Variants in PCDHA5 observed in about 807,000 individuals in gnomAD.
The protein encoded by PCDHA5 is protocadherin alpha-5.
Under a neutral mutation model 61.6 loss-of-function variants are expected in PCDHA5, and 43 were observed. That is an observed-to-expected ratio of 0.70 (90% CI 0.55 to 0.90). PCDHA5 has a LOEUF of 0.90. Ranked by LOEUF, PCDHA5 falls within the 40% of genes least tolerant of loss-of-function variation. The pLI is 0.00. For missense variants in PCDHA5, 1,298 were observed against 1,222.7 expected, an observed-to-expected ratio of 1.06 and a Z score of -0.92; for synonymous variants, 627 against 543.9, an observed-to-expected ratio of 1.15 and a Z score of -2.13.
At chr5:140,830,231 A>G (rs1770914153) in intron 1 of PCDHA5, 1 of 1,613,696 alleles carries the variant, frequency 6.2e-7, no homozygotes, top group Admixed American at 1.7e-5. Context: ...GCTGGTCCTC[A>G]CGCTACTGCT....
chr5:140,842,938 C>T (rs2150348159), intron 1 of PCDHA5: 14 of 1,594,434 alleles, frequency 8.8e-6, no homozygotes, highest in South Asian at 5.5e-5. Context: ...GCGCGCGCGA[C>T]GCGGGCGTGC....
chr5:140,985,416 G>A (rs1554247041), intron 3 of PCDHA5, among the ~76,000 whole-genome samples: 1 of 152,142 alleles, frequency 6.6e-6, no homozygotes, highest in Non-Finnish European at 1.5e-5. Flanking sequence ...GAAATGGAGT[G>A]AGGAGGATTT....
intron 1 of PCDHA5, among the ~76,000 whole-genome samples, chr5:140,974,165 G>T (rs1298109600): frequency 6.6e-6 from 1 of 152,164 alleles, no homozygotes; most frequent in Non-Finnish European, 1.5e-5. Flanking sequence ...TTTCTTTCAA[G>T]AATTTTAACT....
intron 1 of PCDHA5, chr5:140,928,827 A>G (rs1554206364): frequency 6.2e-7 from 1 of 1,614,130 alleles, no homozygotes. Flanking sequence ...GAGACCCACC[A>G]CTTTCCTCCT....
chr5:140,963,021 G>A (rs2095729854), intron 1 of PCDHA5, among the ~76,000 whole-genome samples: 1 of 152,150 alleles, frequency 6.6e-6, no homozygotes, highest in Non-Finnish European at 1.5e-5. Flanking sequence ...AGAAAATGAA[G>A]CAATTAACAT....
intron 1 of PCDHA5, chr5:140,824,528 C>T (rs2150134685): frequency 9.5e-5 from 19 of 200,362 alleles, no homozygotes; most frequent in Middle Eastern, 2.0e-3. Context: ...CATAGCTCAC[C>T]GAAGCCTGAA....
intron 1 of PCDHA5, chr5:140,871,159 GC>G (rs1562658226): frequency 6.2e-7 from 1 of 1,613,450 alleles, no homozygotes; most frequent in Non-Finnish European, 8.5e-7. Flanking sequence ...GGCGGGCGCC[GC>G]GAGCCCAGAG....
chr5:140,861,023 C>T (rs1192782331), intron 1 of PCDHA5: 1 of 152,246 alleles, frequency 6.6e-6, no homozygotes, highest in Non-Finnish European at 1.5e-5. Context: ...GCCACCGCAC[C>T]CGGCCGAAAG....
At chr5:141,009,295 A>T (rs782350734) in intron 3 of PCDHA5, among the ~76,000 whole-genome samples, 13 of 152,030 alleles carry the variant, frequency 8.6e-5, no homozygotes, top group Admixed American at 3.9e-4. Context: ...TTTCTATAAA[A>T]TTTTTTTTAA....
In PCDHA5 at chr5:140,856,541, G is replaced by A. The variant is rs1554148841; in HGVS notation, c.2352+32414G>A. The A allele has an allele frequency of 2.5e-6, 4 of 1,598,164 alleles. 1 individual carries two copies. The highest frequency in any genetic ancestry group is 3.4e-6 in the Non-Finnish European group (4 of 1,167,670). On this transcript the variant is annotated intron_variant, in intron 1 of 3. Transcript: ENST00000529859. ...ATCTGATGCGGATGTTGGAGAGAACGCATTGCTTACTTACAAACTCAGTCC... is the reference window on the plus strand; with the variant it reads ...ATCTGATGCGGATGTTGGAGAGAACACATTGCTTACTTACAAACTCAGTCC...
At chr5:140,832,848 G>C (rs2150204756) in intron 1 of PCDHA5, among the ~76,000 whole-genome samples, 1 of 152,162 alleles carries the variant, frequency 6.6e-6, no homozygotes, top group East Asian at 1.9e-4. Context: ...GAAGGAGACC[G>C]TGAAGAGTCA....
intron 1 of PCDHA5, chr5:140,834,945 C>T (rs2150229215): frequency 6.4e-7 from 1 of 1,552,558 alleles, no homozygotes; most frequent in East Asian, 2.3e-5. Flanking sequence ...CAGCAACCAG[C>T]AGGTAAAACC....
Position 141,004,377 on chromosome 5 carries a change from C to T in PCDHA5, c.2501-5250C>T, listed in dbSNP as rs567018582. Among the ~76,000 whole-genome samples the T allele has an allele frequency of 3.9e-5, 6 of 152,294 alleles. No homozygotes were observed. The South Asian group carries it at 6.2e-4, about 16-fold the overall frequency. ...AGAGACCACACCTTGTTCTGCTCTG[C>T]GGAAGCTGGACATGTGGAGGAGGCA... On this transcript the variant is annotated intron_variant, in intron 3 of 3. Coordinates refer to ENST00000529859, the MANE Select transcript of PCDHA5 (RefSeq NM_018908.3).
intron 1 of PCDHA5, among the ~76,000 whole-genome samples, chr5:140,840,979 C>A (rs1290701863): frequency 1.3e-5 from 2 of 151,986 alleles, no homozygotes; most frequent in Non-Finnish European, 2.9e-5. Context: ...AAGAAGAAAT[C>A]CCTAGCTGAA....
At chr5:140,856,784 T>C in intron 1 of PCDHA5, 2 of 1,596,522 alleles carry the variant, frequency 1.3e-6, no homozygotes, top group Non-Finnish European at 1.7e-6. Flanking sequence ...CAGACCGGTT[T>C]ATGAAGTTAA....
rs1044322759 is a variant in PCDHA5 at position 140,877,540 on chromosome 5, G to C, written c.2352+53413G>C. 35 of 1,613,652 alleles carry C rather than the reference G, an allele frequency of 2.2e-5. No individual in the cohort carries two copies. Among genetic ancestry groups the C allele is most frequent in the Non-Finnish European group, 2.7e-5 (32 of 1,179,908 alleles). On this transcript the variant is annotated intron_variant, in intron 1 of 3. Coordinates refer to ENST00000529859, the MANE Select transcript of PCDHA5 (RefSeq NM_018908.3). ...GGCCTCAGTGGGCGCTGTGGATCCCGAAGCGGCTCTGGTGGATATTAACGT... is the reference window on the plus strand; with the variant it reads ...GGCCTCAGTGGGCGCTGTGGATCCCCAAGCGGCTCTGGTGGATATTAACGT...
In PCDHA5 at chr5:140,857,175, A is replaced by T. The variant is rs149086377; in HGVS notation, c.2352+33048A>T. 3 of 1,598,452 alleles carry T rather than the reference A, an allele frequency of 1.9e-6. 1 individual carries two copies. Among genetic ancestry groups the T allele is most frequent in the Non-Finnish European group, 2.6e-6 (3 of 1,167,876 alleles). On this transcript the variant is annotated intron_variant, in intron 1 of 3. Transcript: ENST00000529859. Reference sequence around the variant, plus strand: ...ATTGCCCTAATCAGCGTTTCTGACCATGATTCAGGAGCCAACGGACAGGTC... The same window carrying T: ...ATTGCCCTAATCAGCGTTTCTGACCTTGATTCAGGAGCCAACGGACAGGTC...
intron 1 of PCDHA5, chr5:140,850,667 G>A (rs2150492921): frequency 2.5e-6 from 4 of 1,598,380 alleles, no homozygotes; most frequent in East Asian, 2.2e-5. Flanking sequence ...TGCGGTGCTC[G>A]GCGATGCCCA....
rs782537686 is a variant in PCDHA5, at chr5:140,967,852, C to T, written c.2353-11097C>T. 13 of 1,614,142 alleles carry T rather than the reference C, an allele frequency of 8.1e-6. No homozygotes were observed. The Middle Eastern group carries it at 1.2e-3, about 143-fold the overall frequency. On this transcript the variant is annotated intron_variant, in intron 1 of 3. Transcript: ENST00000529859. ...ACATCGTGGACGTGAATGACAATGC[C>T]CCAGAGGTGGTGCTCACGGACCTGT...
Sources: allele counts gnomAD v4.1 joint callset (sites outside exome capture counted in the v4.1 genomes callset), GRCh38; gene constraint gnomAD v4.1.1; transcripts MANE v1.5; gene names NCBI Gene and HGNC (gene_info 2026-07-23, HGNC 2026-07-21).